The following CFAP36 variants were observed in gnomAD, a reference collection of about 807,000 sequenced individuals.
CFAP36 encodes cilia- and flagella-associated protein 36.
A neutral mutation model predicts 50.5 loss-of-function variants in CFAP36; 37 were observed. The observed-to-expected ratio is 0.73, with a 90% CI of 0.56 to 0.96. The LOEUF (loss-of-function observed/expected upper bound fraction) is 0.96. Among genes scored for constraint, CFAP36 ranks in the 50% least tolerant of loss-of-function variants. The pLI is 0.00. For synonymous variants in CFAP36, 138 were observed against 128.2 expected (o/e 1.08, Z -0.52); for missense variants, 407 against 396.2 (o/e 1.03, Z -0.23).
chr2:55,537,090 A>T (rs1373496060), intron 6 of CFAP36, among the ~76,000 whole-genome samples: 1 of 152,140 alleles, frequency 6.6e-6, no homozygotes, highest in Non-Finnish European at 1.5e-5. Context: ...ACTTTCTTTT[A>T]AAGAGGCCAG....
intron 7 of CFAP36, among the ~76,000 whole-genome samples, chr2:55,538,577 A>G (rs1333603134): frequency 6.6e-6 from 1 of 151,992 alleles, no homozygotes; most frequent in Non-Finnish European, 1.5e-5. Context: ...TACAGGCATG[A>G]GCCACTGTGC....
At chr2:55,523,420 A>G (rs1234718477) in intron 2 of CFAP36, among the ~76,000 whole-genome samples, 1 of 152,106 alleles carries the variant, frequency 6.6e-6, no homozygotes, top group Non-Finnish European at 1.5e-5. Context: ...ATCTCAAAAA[A>G]GAAAGAAAAG....
In CFAP36 at chr2:55,544,967, T is replaced by C. The variant is rs545373910; in HGVS notation, c.988T>C (p.Leu330=). ...EEKQTLLKRR[L]LAEKLKEEVI... ...GAAGCAAACATTACTAAAGAGGAGATTGCTTGCAGAGAAACTCAAAGAAGA... is the reference window on the plus strand; with the variant it reads ...GAAGCAAACATTACTAAAGAGGAGACTGCTTGCAGAGAAACTCAAAGAAGA... Residue 330 remains leucine (L), a synonymous_variant, in exon 10 of 10, where the codon TTG becomes CTG. Coordinates refer to ENST00000349456, the MANE Select transcript of CFAP36 (RefSeq NM_080667.7). The C allele has an allele frequency of 1.6e-5, 25 of 1,605,484 alleles. No individual in the cohort carries two copies. Among genetic ancestry groups the C allele is most frequent in the Non-Finnish European group, 1.8e-5 (21 of 1,176,658 alleles).
intron 6 of CFAP36, chr2:55,536,044 C>A: frequency 8.6e-6 from 4 of 465,254 alleles, no homozygotes; most frequent in Non-Finnish European, 1.3e-5. Flanking sequence ...CAAGAGTAGT[C>A]ATTTTTTTTG....
intron 6 of CFAP36, 45 bp from the exon 7 acceptor site, chr2:55,537,438 C>T (rs774712473): frequency 9.3e-6 from 12 of 1,294,796 alleles, no homozygotes; most frequent in Non-Finnish European, 1.3e-5. Context: ...TAAAATGAAT[C>T]TAAATTGTGT....
intron 2 of CFAP36, among the ~76,000 whole-genome samples, chr2:55,522,820 G>A (rs1684107327): frequency 6.6e-6 from 1 of 152,150 alleles, no homozygotes; most frequent in Admixed American, 6.5e-5. Context: ...TGGCAGTGGG[G>A]CTCAGTGGCT....
chr2:55,525,878 C>T lies in CFAP36; in HGVS notation c.282+2056C>T, dbSNP rs567219937. ...CTGACCTCAGGCGATCCACCCGCCT[C>T]GGCCTCCCAAAGTGCTGGGATTACA... is the stretch of plus-strand genomic sequence containing the variant. On this transcript the variant is annotated intron_variant, in intron 3 of 9. Coordinates refer to ENST00000349456, the MANE Select transcript of CFAP36 (RefSeq NM_080667.7). Among the ~76,000 whole-genome samples, 5 of 152,330 alleles carry T rather than the reference C, an allele frequency of 3.3e-5. No individual in the cohort carries two copies. The East Asian group carries it at 5.8e-4, about 18-fold the overall frequency.
In CFAP36 at chr2:55,523,422, A is replaced by T. The variant is rs528705126; in HGVS notation, c.181-299A>T. Among the ~76,000 whole-genome samples, 6 of 152,194 alleles carry T rather than the reference A, an allele frequency of 3.9e-5. No individual in the cohort carries two copies. In the East Asian group the frequency reaches 1.2e-3, roughly 29 times the overall value. Reference sequence around the variant, plus strand: ...AGAGTGAGACTCCATCTCAAAAAAGAAAGAAAAGAAAAGAAGAAAAAAAAA... The same window carrying T: ...AGAGTGAGACTCCATCTCAAAAAAGTAAGAAAAGAAAAGAAGAAAAAAAAA... On this transcript the variant is annotated intron_variant, in intron 2 of 9. Transcript: ENST00000349456.
intron 3 of CFAP36, 22 bp downstream of exon 3, chr2:55,523,844 G>A: frequency 2.0e-6 from 3 of 1,476,194 alleles, no homozygotes; most frequent in South Asian, 2.5e-5. Context: ...GTGTTATTCT[G>A]CTAACATACA....
chr2:55,527,606 TAAAC>T (rs1177568854), intron 3 of CFAP36, among the ~76,000 whole-genome samples: 1 of 149,938 alleles, frequency 6.7e-6, no homozygotes, highest in African/African-American at 2.4e-5. Context: ...AATAAATAAA[TAAAC>T]AAACAACAGC....
chr2:55,540,765 T>G (rs1684617006), intron 7 of CFAP36, among the ~76,000 whole-genome samples: 1 of 152,056 alleles, frequency 6.6e-6, no homozygotes, highest in East Asian at 1.9e-4. Context: ...AATCCTAGCA[T>G]TTTGGGAGGC....
At chr2:55,530,993 G>T (rs1684338038) in intron 4 of CFAP36, 1 of 152,138 alleles carries the variant, frequency 6.6e-6, no homozygotes, top group South Asian at 2.1e-4. Flanking sequence ...CTCCTCATTT[G>T]ACTGATGTGA....
intron 7 of CFAP36, among the ~76,000 whole-genome samples, chr2:55,543,579 T>G (rs938522871): frequency 1.8e-4 from 28 of 152,214 alleles, no homozygotes; most frequent in African/African-American, 6.8e-4. Flanking sequence ...TACATTGTAG[T>G]AAGGGATTAG....
At chr2:55,523,659 T>A (rs1040661643) in intron 2 of CFAP36, 62 bp from the exon 3 acceptor site, 10 of 1,051,540 alleles carry the variant, frequency 9.5e-6, no homozygotes, top group Middle Eastern at 5.0e-4. Flanking sequence ...AAATACTTAA[T>A]ATGCAAACTG....
chr2:55,540,353 C>T (rs1273370507), intron 7 of CFAP36, among the ~76,000 whole-genome samples: 5 of 152,118 alleles, frequency 3.3e-5, no homozygotes, highest in Admixed American at 3.3e-4. Flanking sequence ...TTTCAGATGT[C>T]CATTTTCCTT....
chr2:55,524,798 A>G (rs1318907229), intron 3 of CFAP36, among the ~76,000 whole-genome samples: 2 of 151,946 alleles, frequency 1.3e-5, no homozygotes, highest in African/African-American at 2.4e-5. Flanking sequence ...CCTGACCAAC[A>G]TGGAGAAACC....
At chr2:55,530,922 AG>A (rs1254585645) in intron 4 of CFAP36, 2 of 152,176 alleles carry the variant, frequency 1.3e-5, no homozygotes, top group African/African-American at 4.8e-5. Flanking sequence ...ATGCAACAAT[AG>A]GGCTTCCGTT....
intron 2 of CFAP36, among the ~76,000 whole-genome samples, chr2:55,522,901 C>T (rs369642704): frequency 2.6e-5 from 4 of 152,116 alleles, no homozygotes; most frequent in African/African-American, 9.6e-5. Flanking sequence ...TCGAGACCAG[C>T]CTGGGCAACA....
chr2:55,536,132 AC>A (rs1684479974), intron 6 of CFAP36, among the ~76,000 whole-genome samples: 1 of 150,892 alleles, frequency 6.6e-6, no homozygotes, highest in Non-Finnish European at 1.5e-5. Context: ...TCACAGAACA[AC>A]ATTTTTTTTT....
Sources: allele counts gnomAD v4.1 joint callset (sites outside exome capture counted in the v4.1 genomes callset), GRCh38; gene constraint gnomAD v4.1.1; transcripts MANE v1.5; gene names NCBI Gene and HGNC (gene_info 2026-07-23, HGNC 2026-07-21).